SHROOM3: variants seen among roughly 807,000 people sequenced by gnomAD.
The protein encoded by SHROOM3 is shroom family member 3.
A neutral mutation model predicts 138.6 loss-of-function variants in SHROOM3; 47 were observed. That is an observed-to-expected ratio of 0.34 (90% CI 0.27 to 0.43). SHROOM3 has a LOEUF of 0.43. SHROOM3 is among the 20% of genes least tolerant of loss of function. The pLI is 1.00. For synonymous variants in SHROOM3, 1,062 were observed against 1,063.3 expected, an observed-to-expected ratio of 1.00 and a Z score of 0.02; for missense variants, 2,491 against 2,596.5, an observed-to-expected ratio of 0.96 and a Z score of 0.88.
intron 2 of SHROOM3, 51 bp downstream of exon 2, chr4:76,555,814 C>T: frequency 6.3e-7 from 1 of 1,587,692 alleles, no homozygotes; most frequent in Middle Eastern, 1.8e-4. Flanking sequence ...CCCCACCTCT[C>T]TCCCTACCCT....
intron 1 of SHROOM3, among the ~76,000 whole-genome samples, chr4:76,549,244 GTGT>G (rs1167845979): frequency 6.6e-6 from 1 of 152,112 alleles, no homozygotes; most frequent in Non-Finnish European, 1.5e-5. Flanking sequence ...ACAATCAAAT[GTGT>G]TGTTACCAGT....
In SHROOM3 at chr4:76,755,010, T is replaced by A; in HGVS notation, c.4527T>A (p.Phe1509Leu). 3 of 1,610,890 alleles carry A rather than the reference T, an allele frequency of 1.9e-6. No individual in the cohort carries two copies. The highest frequency in any genetic ancestry group is 2.5e-6 in the Non-Finnish European group (3 of 1,177,430). ...ATGAGGATTATGAAGACGAAGTGTTTGTGAGGGATCCGCACCCCAAGGCCA... is the reference window on the plus strand; with the variant it reads ...ATGAGGATTATGAAGACGAAGTGTTAGTGAGGGATCCGCACCCCAAGGCCA... ...PPHEDYEDEV[F>L]VRDPHPKATS... Residue 1509 changes from phenylalanine (F) to leucine (L), a missense_variant, in exon 7 of 11, where the codon TTT becomes TTA. Phe to Leu is a conservative substitution (Grantham distance 22, BLOSUM62 0). Around this residue, in one of 4 missense-constraint regions of SHROOM3, gnomAD observed 1,733 missense variants for 1,661.6 expected, o/e 1.04. Coordinates refer to ENST00000296043, the MANE Select transcript of SHROOM3 (RefSeq NM_020859.4).
intron 2 of SHROOM3, among the ~76,000 whole-genome samples, chr4:76,566,379 A>T (rs1358325602): frequency 6.6e-6 from 1 of 152,164 alleles, no homozygotes; most frequent in African/African-American, 2.4e-5. Context: ...CCTGGAACCA[A>T]TCCCCCATGA....
intron 2 of SHROOM3, among the ~76,000 whole-genome samples, chr4:76,596,624 ACT>A (rs1553926773): frequency 5.7e-5 from 8 of 141,494 alleles, no homozygotes; most frequent in Non-Finnish European, 6.2e-5. Flanking sequence ...ACACACACAC[ACT>A]CTCCAACAGA....
At chr4:76,631,132 T>TG (rs1404422976) in intron 2 of SHROOM3, among the ~76,000 whole-genome samples, 2 of 151,440 alleles carry the variant, frequency 1.3e-5, no homozygotes, top group Non-Finnish European at 2.9e-5. Context: ...AACGGGGTCT[T>TG]GGGATAGAGA....
At chr4:76,605,913 TTCTCTC>T (rs1287814722) in intron 2 of SHROOM3, among the ~76,000 whole-genome samples, 27 of 141,866 alleles carry the variant, frequency 1.9e-4, no homozygotes, top group East Asian at 9.9e-4. Flanking sequence ...AGGCACAATT[TTCTCTC>T]TCTCTCTCTC....
chr4:76,603,934 C>G (rs1734564812), intron 2 of SHROOM3, among the ~76,000 whole-genome samples: 2 of 151,232 alleles, frequency 1.3e-5, no homozygotes, highest in Non-Finnish European at 2.9e-5. Context: ...CCTCTGCCCC[C>G]CTGGTTCAAG....
chr4:76,714,886 T>G (rs1226485254), intron 3 of SHROOM3, among the ~76,000 whole-genome samples: 1 of 152,212 alleles, frequency 6.6e-6, no homozygotes, highest in East Asian at 1.9e-4. Context: ...TTATTTATTT[T>G]GTTGTTCAAA....
At chr4:76,681,408 A>G (rs530830192) in intron 2 of SHROOM3, among the ~76,000 whole-genome samples, 1 of 152,234 alleles carries the variant, frequency 6.6e-6, no homozygotes, top group South Asian at 2.1e-4. Context: ...GCTGGGTACA[A>G]ATATTGAACC....
chr4:76,521,574 T>G (rs1732566556), intron 1 of SHROOM3, among the ~76,000 whole-genome samples: 1 of 152,214 alleles, frequency 6.6e-6, no homozygotes, highest in Non-Finnish European at 1.5e-5. Context: ...ACCACTCTAC[T>G]TGCACAATAG....
At chr4:76,538,007 A>G (rs1733016475) in intron 1 of SHROOM3, among the ~76,000 whole-genome samples, 1 of 152,094 alleles carries the variant, frequency 6.6e-6, no homozygotes, top group African/African-American at 2.4e-5. Context: ...TCCTAGATTC[A>G]AGCAATTTTC....
intron 10 of SHROOM3, among the ~76,000 whole-genome samples, chr4:76,773,053 TAC>T (rs1553953774): frequency 6.6e-6 from 1 of 152,090 alleles, no homozygotes; most frequent in Non-Finnish European, 1.5e-5. Context: ...GTCTAGAACA[TAC>T]AGTGATTGCT....
intron 3 of SHROOM3, among the ~76,000 whole-genome samples, chr4:76,712,826 C>A (rs1386036303): frequency 3.9e-5 from 6 of 152,120 alleles, no homozygotes; most frequent in Admixed American, 3.9e-4. Context: ...TACTAGAGTG[C>A]ACTTACACAA....
chr4:76,547,552 T>C (rs562405668), intron 1 of SHROOM3, among the ~76,000 whole-genome samples: 5 of 152,236 alleles, frequency 3.3e-5, no homozygotes, highest in African/African-American at 1.2e-4. Flanking sequence ...GATACAGCAG[T>C]AAACAAGACA....
rs1421112892 is a variant in SHROOM3 at position 76,740,946 on chromosome 4, C to T, written c.2773C>T (p.Arg925Trp). The change falls in exon 5 of 11, where the codon CGG (arginine) becomes TGG (tryptophan). Residue 925 changes from arginine to tryptophan, a missense_variant. Arg to Trp is a moderately radical substitution (Grantham distance 101). Around this residue, in one of 4 missense-constraint regions of SHROOM3, gnomAD observed 1,733 missense variants for 1,661.6 expected, o/e 1.04. Transcript: ENST00000296043. This position sits in a 1 kb window ranked among gnomAD's most constrained non-coding sequence, Gnocchi z 4.0. The part of the protein sequence containing the change: ...LLDAPFSRAY[R>W]NSIKDAQSRV... Reference sequence around the variant, plus strand: ...GGATGCCCCCTTCAGCCGCGCCTACCGGAACAGCATCAAGGACGCACAGTC... The same window carrying T: ...GGATGCCCCCTTCAGCCGCGCCTACTGGAACAGCATCAAGGACGCACAGTC... The T allele has an allele frequency of 8.0e-6, 12 of 1,497,930 alleles. No homozygotes were observed. The highest frequency in any genetic ancestry group is 1.8e-4 in the Middle Eastern group (1 of 5,632). The allele number at this position is 1,497,930 out of a possible 1,614,324, so 92.8% of individuals were successfully genotyped here. A position where few individuals can be genotyped will look rare whatever the true frequency, so the allele number is the denominator to read the frequency against.
At chr4:76,682,338 G>T (rs1476028157) in intron 2 of SHROOM3, among the ~76,000 whole-genome samples, 1 of 152,178 alleles carries the variant, frequency 6.6e-6, no homozygotes, top group African/African-American at 2.4e-5. Context: ...ACCTTCTGTG[G>T]AAGATGTAAT....
At chr4:76,775,716 G>A (rs1448370483) in intron 10 of SHROOM3, among the ~76,000 whole-genome samples, 1 of 150,396 alleles carries the variant, frequency 6.6e-6, no homozygotes, top group Non-Finnish European at 1.5e-5. Context: ...ATTTGTATAT[G>A]TGTATATACA....
chr4:76,665,374 T>G (rs894666119), intron 2 of SHROOM3, among the ~76,000 whole-genome samples: 1 of 152,074 alleles, frequency 6.6e-6, no homozygotes, highest in Non-Finnish European at 1.5e-5. Context: ...TTAATACCAG[T>G]TGAGGGTGGG....
chr4:76,739,475 T>C lies in SHROOM3; in HGVS notation c.1302T>C (p.Thr434=), dbSNP rs1721178467. The change falls in exon 5 of 11, where the codon ACT becomes ACC. Residue 434 remains threonine (T), a synonymous_variant. Transcript: ENST00000296043. ...CATTCATAGAGGAGCAGCTGCATACTGTGCTGGAGAAGAGTCCAGAGAACA... is the reference window on the plus strand; with the variant it reads ...CATTCATAGAGGAGCAGCTGCATACCGTGCTGGAGAAGAGTCCAGAGAACA... The part of the protein sequence containing the change: ...KSPFIEEQLH[T]VLEKSPENSP... 1 of 1,614,182 alleles carries C rather than the reference T, an allele frequency of 6.2e-7. No homozygotes were observed. Among genetic ancestry groups the C allele is most frequent in the East Asian group, 2.2e-5 (1 of 44,878 alleles).
Sources: gnomAD v4.1 joint callset for allele counts (sites outside exome capture counted in the v4.1 genomes callset) on GRCh38, gnomAD v4.1.1 for gene constraint, gnomAD v4.1.1 regional missense constraint, Gnocchi (gnomAD v3.1) non-coding constraint, MANE v1.5 for transcripts, NCBI Gene and HGNC (gene_info 2026-07-23, HGNC 2026-07-21) for gene names.